The following MGP variants were observed in gnomAD, a reference collection of about 807,000 sequenced individuals.
MGP encodes the protein cell growth-inhibiting gene 36 protein.
MGP carries 13 observed loss-of-function variants against 14.5 expected under a neutral mutation model. That is an observed-to-expected ratio of 0.89 (90% CI 0.58 to 1.42). MGP has a LOEUF of 1.42. Ranked by LOEUF, MGP falls within the 40% of genes most tolerant of loss-of-function variation. The pLI is 0.00. For synonymous variants in MGP, 44 were observed against 46.3 expected, an observed-to-expected ratio of 0.95 and a Z score of 0.20; for missense variants, 128 against 133.7, an observed-to-expected ratio of 0.96 and a Z score of 0.21.
chr12:14,882,713 ATT>A (rs10625024), intron 3 of MGP, among the ~76,000 whole-genome samples: 6 of 128,366 alleles, frequency 4.7e-5, no homozygotes, highest in African/African-American at 5.8e-5. Flanking sequence ...AGAACAGGAG[ATT>A]TTTTTTTTTT....
rs975080706 is a variant in MGP at position 14,881,929 on chromosome 12, C to T, written c.*210G>A. 5 of 593,400 alleles carry T rather than the reference C, an allele frequency of 8.4e-6. No homozygotes were observed. The highest frequency in any genetic ancestry group is 3.7e-5 in the African/African-American group (2 of 53,700). The allele number at this position is 593,400 out of a possible 1,614,324, so 36.8% of individuals were successfully genotyped here. ...CCAGAAGTTTATTATGGAACAATCA[C>T]ATATGTTGACTCTCCTTTGACCCTC... is the stretch of plus-strand genomic sequence containing the variant. On this transcript the variant is annotated 3_prime_UTR_variant, in exon 4 of 4. Coordinates refer to ENST00000539261, the MANE Select transcript of MGP (RefSeq NM_000900.5).
intron 1 of MGP, chr12:14,884,855 C>CA: frequency 6.5e-7 from 1 of 1,535,234 alleles, no homozygotes; most frequent in East Asian, 2.4e-5. Context: ...GAAACGATAT[C>CA]AAAGCCGAAG....
At chr12:14,884,121 C>T in intron 2 of MGP, 92 bp downstream of exon 2, 1 of 1,041,222 alleles carries the variant, frequency 9.6e-7, no homozygotes. Context: ...TTTTCCCTCC[C>T]TGTTATATAT....
At chr12:14,882,380 C>T in intron 3 of MGP, 100 bp from the exon 4 acceptor site, 3 of 1,370,182 alleles carry the variant, frequency 2.2e-6, no homozygotes, top group South Asian at 1.2e-5. Flanking sequence ...TCTCTCCATG[C>T]CCCCCTATAT....
chr12:14,883,128 T>A, intron 2 of MGP, 81 bp from the exon 3 acceptor site: 1 of 1,107,042 alleles, frequency 9.0e-7, no homozygotes, highest in Non-Finnish European at 1.4e-6. Flanking sequence ...GACACAAATA[T>A]ATTTGAAAGT....
chr12:14,882,373 C>G, intron 3 of MGP, 93 bp from the exon 4 acceptor site: 1 of 1,419,892 alleles, frequency 7.0e-7, no homozygotes, highest in Non-Finnish European at 9.9e-7. Context: ...GAGACTTTCT[C>G]TCCATGCCCC....
At chr12:14,883,160 A>G in intron 2 of MGP, 113 bp from the exon 3 acceptor site, 1 of 834,944 alleles carries the variant, frequency 1.2e-6, no homozygotes, top group South Asian at 1.4e-5. Flanking sequence ...TGCAACTCAT[A>G]TAAACGGAGA....
rs766441156 is a variant in MGP, at chr12:14,882,085, C to G, written c.*54G>C. 4 of 1,603,670 alleles carry G rather than the reference C, an allele frequency of 2.5e-6. No homozygotes were observed. In the South Asian group the frequency reaches 4.4e-5, roughly 18 times the overall value. ...TCTGTAATGCTGCTACAGGGGGATACAAAATCAGGTGCCAGCCTCCAGAAA... is the reference window on the plus strand; with the variant it reads ...TCTGTAATGCTGCTACAGGGGGATAGAAAATCAGGTGCCAGCCTCCAGAAA... On this transcript the variant is annotated 3_prime_UTR_variant, in exon 4 of 4. Transcript: ENST00000539261.
chr12:14,884,288 A>G (rs1364625821), intron 1 of MGP, 43 bp from the exon 2 acceptor site: 1 of 1,203,272 alleles, frequency 8.3e-7, no homozygotes, highest in South Asian at 1.4e-5. Context: ...ATATTTATCC[A>G]TGATTCATTA....
At chr12:14,883,459 G>A (rs1445500653) in intron 2 of MGP, 1 of 226,224 alleles carries the variant, frequency 4.4e-6, no homozygotes, top group African/African-American at 2.3e-5. Flanking sequence ...TGAGAGTGAT[G>A]TGCCATTTCC....
chr12:14,881,036 C>T lies in MGP; in HGVS notation c.*1103G>A, dbSNP rs192187963. 31 of 152,150 alleles carry T rather than the reference C, an allele frequency of 2.0e-4. No individual in the cohort carries two copies. The highest frequency in any genetic ancestry group is 7.2e-4 in the African/African-American group (30 of 41,500). The allele number at this position is 152,150 out of a possible 1,614,324, so 9.4% of individuals were successfully genotyped here. On this transcript the variant is annotated 3_prime_UTR_variant, in exon 4 of 4. Transcript: ENST00000539261. ...TGAAAATATCTTTCAAGAATAAAAA[C>T]AAGCATACAAAACTTAAAGAATCCT...
chr12:14,884,679 C>T (rs1863419440), intron 1 of MGP: 1 of 641,616 alleles, frequency 1.6e-6, no homozygotes, highest in Non-Finnish European at 2.5e-6. Context: ...CAGGTTTCTC[C>T]AGGCAAGAGA....
intron 1 of MGP, chr12:14,884,798 C>T (rs1863420727): frequency 1.3e-6 from 2 of 1,529,368 alleles, no homozygotes; most frequent in African/African-American, 1.4e-5. Context: ...CCACTAGCTC[C>T]AGCTGACAGC....
chr12:14,885,682 G>A (rs1565441561), intron 1 of MGP, 49 bp downstream of exon 1: 8 of 1,481,016 alleles, frequency 5.4e-6, no homozygotes, highest in Non-Finnish European at 7.5e-6. Flanking sequence ...GTAAGCCAAA[G>A]TCAGAGGCAG....
At chr12:14,882,393 A>G in intron 3 of MGP, 113 bp from the exon 4 acceptor site, 1 of 1,326,668 alleles carries the variant, frequency 7.5e-7, no homozygotes, top group Non-Finnish European at 1.1e-6. Flanking sequence ...CCCTATATTA[A>G]GAGATATTTA....
At position 14,882,017 on chromosome 12, in the gene MGP, G is replaced by T; in HGVS notation, c.*122C>A. 7.7e-7 allele frequency: 1 copy of T among 1,295,498 alleles called. No individual in the cohort carries two copies. Among genetic ancestry groups the T allele is most frequent in the Non-Finnish European group, 1.1e-6 (1 of 902,568 alleles). The allele number at this position is 1,295,498 out of a possible 1,614,324, so 80.3% of individuals were successfully genotyped here. On this transcript the variant is annotated 3_prime_UTR_variant, in exon 4 of 4. Transcript: ENST00000539261. ...GGGAAAAAGGGGTGCAGCCAGACAA[G>T]AGAATATACAGGAAAGAAGCATTGT... is the stretch of plus-strand genomic sequence containing the variant.
chr12:14,885,672 G>A lies in MGP; in HGVS notation c.61+59C>T, dbSNP rs768890031. 2.9e-6 allele frequency: 4 copies of A among 1,368,412 alleles called. No homozygotes were observed. In the South Asian group the frequency reaches 4.8e-5, roughly 16 times the overall value. 84.8% of individuals were successfully genotyped at this position (1,368,412 alleles called of 1,614,324 possible). A position where few individuals can be genotyped will look rare whatever the true frequency, so the allele number is the denominator to read the frequency against. ...AGGAGGAGGGAGAGGAAAAATAGAA[G>A]TAAGCCAAAGTCAGAGGCAGAAAAG... On this transcript the variant is annotated intron_variant, in intron 1 of 3. Transcript: ENST00000539261.
rs1350878327 is a variant in MGP, at chr12:14,884,261, A to T, written c.62-16T>A. 1 of 1,364,946 alleles carries T rather than the reference A, an allele frequency of 7.3e-7. No homozygotes were observed. The highest frequency in any genetic ancestry group is 2.4e-5 in the East Asian group (1 of 41,790). 84.6% of individuals were successfully genotyped at this position (1,364,946 alleles called of 1,614,324 possible). ...TCATGTGATTCTGAAATTAAAAAAA[A>T]AAGATTCATTATATCAATATTTATC... On this transcript the variant is annotated splice_polypyrimidine_tract_variant and intron_variant, in intron 1 of 3. Coordinates refer to ENST00000539261, the MANE Select transcript of MGP (RefSeq NM_000900.5).
In MGP at chr12:14,881,991, C is replaced by T. The variant is rs1324570644; in HGVS notation, c.*148G>A. On this transcript the variant is annotated 3_prime_UTR_variant, in exon 4 of 4. Coordinates refer to ENST00000539261, the MANE Select transcript of MGP (RefSeq NM_000900.5). ...CTTTCATTACTTATCAATCTGGGGG[C>T]GGGAAAAAGGGGTGCAGCCAGACAA... The T allele has an allele frequency of 1.4e-5, 14 of 968,212 alleles. No homozygotes were observed. The highest frequency in any genetic ancestry group is 4.2e-5 in the South Asian group (3 of 71,174). The allele number at this position is 968,212 out of a possible 1,614,324, so 60.0% of individuals were successfully genotyped here. A position where few individuals can be genotyped will look rare whatever the true frequency, so the allele number is the denominator to read the frequency against.
Sources: allele counts gnomAD v4.1 joint callset (sites outside exome capture counted in the v4.1 genomes callset), GRCh38; gene constraint gnomAD v4.1.1; transcripts MANE v1.5; gene names NCBI Gene and HGNC (gene_info 2026-07-23, HGNC 2026-07-21).